ANO6: variants seen among roughly 807,000 people sequenced by gnomAD.
ANO6 encodes anoctamin 6.
A neutral mutation model predicts 117.5 loss-of-function variants in ANO6; 106 were observed. The ratio of observed to expected loss-of-function variants is 0.90; its 90% CI spans 0.77 to 1.06. The LOEUF is 1.06. ANO6 is among the 50% of genes least tolerant of loss of function. The pLI, the probability that ANO6 is intolerant of heterozygous loss-of-function variation, is 0.00. For synonymous variants in ANO6, 367 were observed against 385.1 expected (o/e 0.95, Z 0.55); for missense variants, 955 against 1,121.1 (o/e 0.85, Z 2.12).
At position 45,430,305 on chromosome 12, in the gene ANO6, T is replaced by G. The variant is rs1943602463; in HGVS notation, c.*994T>G. 7.1e-6 allele frequency: 7 copies of G among 985,342 alleles called. No individual in the cohort carries two copies. Among genetic ancestry groups the G allele is most frequent in the Non-Finnish European group, 8.4e-6 (7 of 829,952 alleles). The allele number at this position is 985,342 out of a possible 1,614,324, so 61.0% of individuals were successfully genotyped here. ...ACACATCACCAGCTGCCTTTGTGAA[T>G]GGCTCACTACACAGCCATTGGGGTA... On this transcript the variant is annotated 3_prime_UTR_variant, in exon 20 of 20. Coordinates refer to ENST00000320560, the MANE Select transcript of ANO6 (RefSeq NM_001025356.3).
At chr12:45,226,719 A>G (rs1947487345) in intron 1 of ANO6, among the ~76,000 whole-genome samples, 1 of 152,112 alleles carries the variant, frequency 6.6e-6, no homozygotes, top group Non-Finnish European at 1.5e-5. Flanking sequence ...ACATAGTCAC[A>G]GTCTTATACA....
intron 2 of ANO6, among the ~76,000 whole-genome samples, chr12:45,312,846 T>G (rs1939891281): frequency 6.6e-6 from 1 of 152,084 alleles, no homozygotes; most frequent in African/African-American, 2.4e-5. Flanking sequence ...TATGGATCTT[T>G]ATGATGTTAA....
At chr12:45,374,955 C>T (rs866398214) in intron 9 of ANO6, among the ~76,000 whole-genome samples, 4,894 of 151,514 alleles carry the variant, frequency 0.032, 238 homozygotes, top group African/African-American at 0.11. Flanking sequence ...CTAGAAAACC[C>T]CATTGTCTCA....
In ANO6 at chr12:45,431,495, T is replaced by A. The variant is rs959793392; in HGVS notation, c.*2184T>A. On this transcript the variant is annotated 3_prime_UTR_variant, in exon 20 of 20. Transcript: ENST00000320560. ...GTTTTCATAGCCCCAGCAGAGAAAATCCTCTTCATAGATTAAATGTGCTGC... is the reference window on the plus strand; with the variant it reads ...GTTTTCATAGCCCCAGCAGAGAAAAACCTCTTCATAGATTAAATGTGCTGC... 8.1e-6 allele frequency: 8 copies of A among 984,990 alleles called. No homozygotes were observed. The highest frequency in any genetic ancestry group is 8.4e-6 in the Non-Finnish European group (7 of 829,892). 61.0% of individuals were successfully genotyped at this position (984,990 alleles called of 1,614,324 possible).
Position 45,347,068 on chromosome 12 carries a change from A to C in ANO6, c.326A>C (p.Gln109Pro). ...YESNLICHGLQLEATRSVLDD... is the reference protein window; with the variant it reads ...YESNLICHGLPLEATRSVLDD... ...TCTAACCTTATCTGTCATGGCCTGC[A>C]GTTAGAAGCAACAAGATCAGTAAGT... Residue 109 changes from glutamine to proline, a missense_variant, in exon 4 of 20, where the codon CAG becomes CCG. Gln to Pro is a moderately conservative substitution (Grantham distance 76). Transcript: ENST00000320560. 3 of 1,614,088 alleles carry C rather than the reference A, an allele frequency of 1.9e-6. No homozygotes were observed. Among genetic ancestry groups the C allele is most frequent in the Non-Finnish European group, 2.5e-6 (3 of 1,179,978 alleles).
intron 8 of ANO6, among the ~76,000 whole-genome samples, chr12:45,366,530 G>A (rs1025447306): frequency 3.3e-5 from 5 of 152,114 alleles, no homozygotes; most frequent in Admixed American, 2.0e-4. Context: ...GCCAGCTTTG[G>A]TATAAATCAG....
chr12:45,242,320 G>A (rs1947757502), intron 1 of ANO6, among the ~76,000 whole-genome samples: 1 of 152,234 alleles, frequency 6.6e-6, no homozygotes, highest in Non-Finnish European at 1.5e-5. Context: ...AGCCTCGCAG[G>A]TCGATCTCAG....
At chr12:45,251,162 C>T (rs78579924) in intron 1 of ANO6, among the ~76,000 whole-genome samples, 1,655 of 152,222 alleles carry the variant, frequency 0.011, 29 homozygotes, top group African/African-American at 0.036. Flanking sequence ...AAGAACAGAG[C>T]TGGGACCCTA....
chr12:45,377,983 G>T, intron 9 of ANO6, 70 bp from the exon 10 acceptor site: 1 of 1,418,140 alleles, frequency 7.1e-7, no homozygotes, highest in East Asian at 2.3e-5. Flanking sequence ...AATAGACAAA[G>T]CATTTCATAT....
At chr12:45,331,058 A>G (rs1027949916) in intron 2 of ANO6, among the ~76,000 whole-genome samples, 1 of 151,758 alleles carries the variant, frequency 6.6e-6, no homozygotes, top group Non-Finnish European at 1.5e-5. Flanking sequence ...TAATATTGAC[A>G]TGTTCTCATG....
chr12:45,427,155 T>G (rs1047359712), intron 19 of ANO6, among the ~76,000 whole-genome samples: 5 of 152,104 alleles, frequency 3.3e-5, no homozygotes, highest in Non-Finnish European at 7.4e-5. Context: ...CCTTTATCAG[T>G]GAGCACTTCA....
intron 9 of ANO6, among the ~76,000 whole-genome samples, chr12:45,371,968 G>A (rs901243799): frequency 6.6e-6 from 1 of 151,796 alleles, no homozygotes; most frequent in African/African-American, 2.4e-5. Flanking sequence ...TTTGAAAAAA[G>A]TTTAGAAGAA....
chr12:45,414,245 T>A (rs1943158105), intron 16 of ANO6, among the ~76,000 whole-genome samples: 1 of 151,964 alleles, frequency 6.6e-6, no homozygotes, highest in Non-Finnish European at 1.5e-5. Flanking sequence ...TATGAAAAAG[T>A]TGCAGGCAAG....
At chr12:45,318,098 C>G (rs1412353778) in intron 2 of ANO6, among the ~76,000 whole-genome samples, 1 of 152,144 alleles carries the variant, frequency 6.6e-6, no homozygotes. Flanking sequence ...ATGGTAATTT[C>G]TTTTGCTGTG....
intron 2 of ANO6, 130 bp downstream of exon 2, chr12:45,302,223 A>G (rs569940454): frequency 8.2e-5 from 68 of 829,148 alleles, no homozygotes; most frequent in Non-Finnish European, 1.2e-4. Context: ...TATTGCAGGG[A>G]CTGTGCGTTC....
Position 45,304,769 on chromosome 12 carries a change from TG to T in ANO6, c.150+2677del, listed in dbSNP as rs757399831. Among the ~76,000 whole-genome samples the T allele has an allele frequency of 1.5e-3, 221 of 152,352 alleles. 1 individual carries two copies. The highest frequency in any genetic ancestry group is 9.6e-4 in the East Asian group (5 of 5,184). ...CGAGACCTAAGAGAACATTGCCAGT[TG>T]AATAGTCTTGGCCGCTGGCATCATA... On this transcript the variant is annotated intron_variant, in intron 2 of 19. Coordinates refer to ENST00000320560, the MANE Select transcript of ANO6 (RefSeq NM_001025356.3).
chr12:45,364,376 T>C (rs1191605141), intron 8 of ANO6, among the ~76,000 whole-genome samples: 1 of 152,228 alleles, frequency 6.6e-6, no homozygotes, highest in African/African-American at 2.4e-5. Flanking sequence ...CAGCCATTGA[T>C]TCTTCAAATA....
At chr12:45,401,684 T>G in intron 12 of ANO6, 111 bp from the exon 13 acceptor site, 270 of 903,724 alleles carry the variant, frequency 3.0e-4, no homozygotes, top group Non-Finnish European at 4.5e-4. Context: ...ATCACTTATG[T>G]GAGATTTACA....
chr12:45,232,788 G>A (rs1947592306), intron 1 of ANO6, among the ~76,000 whole-genome samples: 1 of 152,174 alleles, frequency 6.6e-6, no homozygotes, highest in Non-Finnish European at 1.5e-5. Flanking sequence ...CCCTGGGTTG[G>A]AAGGCAACAA....
Sources: gnomAD v4.1 joint callset for allele counts (sites outside exome capture counted in the v4.1 genomes callset) on GRCh38, gnomAD v4.1.1 for gene constraint, MANE v1.5 for transcripts, NCBI Gene and HGNC (gene_info 2026-07-23, HGNC 2026-07-21) for gene names.